NBEA: variants seen among roughly 807,000 people sequenced by gnomAD.
NBEA encodes neurobeachin, also known as lysosomal-trafficking regulator 2.
In NBEA, 44 loss-of-function variants were observed where a neutral mutation model predicts 343.4. The ratio of observed to expected loss-of-function variants is 0.13; its 90% CI spans 0.10 to 0.16. NBEA has a LOEUF of 0.16. NBEA is among the 10% of genes least tolerant of loss of function. The pLI is 1.00. For missense variants in NBEA, 2,555 were observed against 3,631.3 expected, an observed-to-expected ratio of 0.70 and a Z score of 7.62; for synonymous variants, 1,175 against 1,238.7, an observed-to-expected ratio of 0.95 and a Z score of 1.08.
chr13:35,353,611 A>G (rs2040325811), intron 38 of NBEA, among the ~76,000 whole-genome samples: 1 of 152,162 alleles, frequency 6.6e-6, no homozygotes, highest in Non-Finnish European at 1.5e-5. Flanking sequence ...TTATCATAAT[A>G]ATAGCAATAA....
At chr13:35,359,758 C>T (rs897161010) in intron 38 of NBEA, among the ~76,000 whole-genome samples, 5 of 151,622 alleles carry the variant, frequency 3.3e-5, no homozygotes, top group East Asian at 3.9e-4. Flanking sequence ...GCTTAAACTA[C>T]GTAAGCCATA....
intron 37 of NBEA, among the ~76,000 whole-genome samples, chr13:35,349,707 G>T (rs1338594247): frequency 2.0e-5 from 3 of 151,992 alleles, no homozygotes; most frequent in Admixed American, 6.6e-5. Context: ...CTGCTGTTTG[G>T]CTTAGTTGGA....
intron 48 of NBEA, among the ~76,000 whole-genome samples, chr13:35,608,657 C>G (rs1001646978): frequency 6.6e-6 from 1 of 152,152 alleles, no homozygotes. Context: ...AGCATATAGT[C>G]TATTAAGTCC....
intron 34 of NBEA, among the ~76,000 whole-genome samples, chr13:35,245,342 G>T (rs1289536645): frequency 2.6e-5 from 4 of 151,972 alleles, no homozygotes; most frequent in East Asian, 1.9e-4. Flanking sequence ...TGTGCTATTT[G>T]TTGATGAATC....
At chr13:35,118,602 GA>G (rs1269290471) in intron 16 of NBEA, 128 bp downstream of exon 16, 1 of 670,878 alleles carries the variant, frequency 1.5e-6, no homozygotes, top group Non-Finnish European at 2.4e-6. Context: ...AATAAATGGA[GA>G]ATGCTGCTAT....
intron 24 of NBEA, among the ~76,000 whole-genome samples, chr13:35,167,551 A>T (rs750253184): frequency 6.6e-6 from 1 of 151,922 alleles, no homozygotes; most frequent in Non-Finnish European, 1.5e-5. Flanking sequence ...GATTACTTAA[A>T]TTCATATGTA....
intron 38 of NBEA, among the ~76,000 whole-genome samples, chr13:35,381,047 T>C (rs1399119630): frequency 6.6e-6 from 1 of 152,148 alleles, no homozygotes; most frequent in African/African-American, 2.4e-5. Context: ...GATTTTTCTT[T>C]TTTTCTACGA....
chr13:35,106,359 T>C (rs2065917570), intron 11 of NBEA, among the ~76,000 whole-genome samples: 1 of 152,012 alleles, frequency 6.6e-6, no homozygotes, highest in Non-Finnish European at 1.5e-5. Flanking sequence ...TCAGAGATCT[T>C]CTTTCTTCTT....
chr13:35,334,917 G>T (rs1320246865), intron 36 of NBEA, among the ~76,000 whole-genome samples: 2 of 152,186 alleles, frequency 1.3e-5, no homozygotes, highest in African/African-American at 4.8e-5. Flanking sequence ...TAGTGCTCAA[G>T]AAATCATTGG....
intron 27 of NBEA, 83 bp from the exon 28 acceptor site, chr13:35,176,913 C>T: frequency 1.2e-6 from 1 of 838,756 alleles, no homozygotes. Context: ...ATGATGTGAC[C>T]AGTTTAGCCT....
chr13:34,966,315 G>C (rs1566099718), intron 1 of NBEA, among the ~76,000 whole-genome samples: 1 of 151,930 alleles, frequency 6.6e-6, no homozygotes, highest in Non-Finnish European at 1.5e-5. Flanking sequence ...TTCCTGAAAC[G>C]GGACTTGTCA....
At chr13:35,636,587 C>T (rs773088685) in intron 49 of NBEA, among the ~76,000 whole-genome samples, 24 of 152,316 alleles carry the variant, frequency 1.6e-4, no homozygotes, top group African/African-American at 2.2e-4. Context: ...ACTTCTCTCT[C>T]GTTCCTGCTC....
intron 52 of NBEA, 106 bp from the exon 53 acceptor site, chr13:35,651,699 T>A: frequency 2.8e-6 from 2 of 719,892 alleles, no homozygotes; most frequent in South Asian, 3.2e-5. Context: ...AAATCATTTT[T>A]AAGCAAATAT....
At chr13:34,995,427 A>G (rs2060905958) in intron 1 of NBEA, among the ~76,000 whole-genome samples, 4 of 151,510 alleles carry the variant, frequency 2.6e-5, no homozygotes, top group Admixed American at 2.6e-4. Context: ...TCTCAAGAAA[A>G]AAAAAAAAAG....
At chr13:35,297,888 G>A (rs9593062) in intron 35 of NBEA, among the ~76,000 whole-genome samples, 46,064 of 151,460 alleles carry the variant, frequency 0.3, 7,948 homozygotes, top group African/African-American at 0.48. Flanking sequence ...TAAGTATACA[G>A]TTCAGTGGCA....
chr13:34,987,973 T>C (rs113242786), intron 1 of NBEA, among the ~76,000 whole-genome samples: 4,776 of 151,156 alleles, frequency 0.032, 288 homozygotes, highest in African/African-American at 0.1. Context: ...TTGTTATTAC[T>C]GACCTTCTGA....
At chr13:35,287,615 G>A (rs1160475870) in intron 34 of NBEA, among the ~76,000 whole-genome samples, 2 of 151,490 alleles carry the variant, frequency 1.3e-5, no homozygotes, top group South Asian at 2.1e-4. Flanking sequence ...ATTGCTTTTT[G>A]TCCCCTTGTC....
At chr13:35,329,781 A>AT (rs11381635) in intron 36 of NBEA, among the ~76,000 whole-genome samples, 56,747 of 151,560 alleles carry the variant, frequency 0.37, 13,597 homozygotes, top group African/African-American at 0.69. Flanking sequence ...ATTAAACTGC[A>AT]TTTTAAAGGG....
chr13:35,524,593 G>A (rs2077881859), intron 41 of NBEA, among the ~76,000 whole-genome samples: 1 of 152,132 alleles, frequency 6.6e-6, no homozygotes, highest in African/African-American at 2.4e-5. Flanking sequence ...ATTACATTGA[G>A]TTTGTCATAT....
Sources: gnomAD v4.1 joint callset for allele counts (sites outside exome capture counted in the v4.1 genomes callset) on GRCh38, gnomAD v4.1.1 for gene constraint, MANE v1.5 for transcripts, NCBI Gene and HGNC (gene_info 2026-07-23, HGNC 2026-07-21) for gene names.